URB1: variants seen among roughly 807,000 people sequenced by gnomAD.
The protein encoded by URB1 is URB1 ribosome biogenesis factor.
URB1 carries 197 observed loss-of-function variants against 242.3 expected under a neutral mutation model. That is an observed-to-expected ratio of 0.81 (90% CI 0.72 to 0.91). URB1 has a LOEUF of 0.91. URB1 is among the 40% of genes least tolerant of loss of function. The probability of loss-of-function intolerance (pLI) is 0.00; values close to 1 mark genes in which losing one functional copy is unlikely to be tolerated. For missense variants in URB1, 2,721 were observed against 2,860.5 expected, an observed-to-expected ratio of 0.95 and a Z score of 1.11; for synonymous variants, 1,153 against 1,201.8, an observed-to-expected ratio of 0.96 and a Z score of 0.84.
intron 4 of URB1, among the ~76,000 whole-genome samples, chr21:32,380,173 G>A (rs1184242433): frequency 6.6e-6 from 1 of 152,090 alleles, no homozygotes; most frequent in African/African-American, 2.4e-5. Context: ...CATCAGTTAG[G>A]TCTCTGTGCA....
intron 1 of URB1, among the ~76,000 whole-genome samples, chr21:32,387,600 CAA>C (rs764839350): frequency 8.0e-5 from 10 of 124,758 alleles, no homozygotes; most frequent in South Asian, 2.7e-4. Context: ...TCACCTTATT[CAA>C]AAAAAAAAAA....
chr21:32,321,961 C>G lies in URB1; in HGVS notation c.5341-17G>C. ...TGTTTTTTGCTATAACCCAGGCACA[C>G]AAAAAACTGTTGTTAATAAGTGAAA... On this transcript the variant is annotated splice_polypyrimidine_tract_variant and intron_variant, in intron 33 of 38. Transcript: ENST00000382751. The G allele has an allele frequency of 6.5e-7, 1 of 1,548,794 alleles. No individual in the cohort carries two copies. Among genetic ancestry groups the G allele is most frequent in the Non-Finnish European group, 8.7e-7 (1 of 1,145,802 alleles).
chr21:32,340,792 A>T (rs2033020737), intron 25 of URB1, among the ~76,000 whole-genome samples: 1 of 152,116 alleles, frequency 6.6e-6, no homozygotes, highest in African/African-American at 2.4e-5. Context: ...AGAAAAACAG[A>T]GAGGGAGGGA....
chr21:32,374,340 C>A, intron 6 of URB1, among the ~76,000 whole-genome samples: 1 of 152,172 alleles, frequency 6.6e-6, no homozygotes, highest in South Asian at 2.1e-4. Context: ...CCAAACCTAA[C>A]CCCAGAATCC....
Position 32,354,880 on chromosome 21 carries a change from T to G in URB1, c.2224A>C (p.Ile742Leu). 1 of 1,552,378 alleles carries G rather than the reference T, an allele frequency of 6.4e-7. No individual in the cohort carries two copies. Among genetic ancestry groups the G allele is most frequent in the South Asian group, 1.2e-5 (1 of 84,064 alleles). ...MTKQEADDMS[I>L]PISHIDDVLD... ...ATACCGTCAATGTGGGAGATGGGAA[T>G]GCTCATGTCATCGGCTTCTTGCTTC... The change falls in exon 17 of 39, where the codon ATT becomes CTT. Residue 742 changes from isoleucine (I) to leucine (L), a missense_variant. Coordinates refer to ENST00000382751, the MANE Select transcript of URB1 (RefSeq NM_014825.3).
chr21:32,320,246 C>T (rs2032748674), intron 35 of URB1, among the ~76,000 whole-genome samples: 1 of 152,216 alleles, frequency 6.6e-6, no homozygotes, highest in Non-Finnish European at 1.5e-5. Context: ...AGAACAGAGC[C>T]AGACAGGCTG....
At chr21:32,333,671 A>C (rs755982407) in intron 29 of URB1, among the ~76,000 whole-genome samples, 1 of 152,242 alleles carries the variant, frequency 6.6e-6, no homozygotes, top group Non-Finnish European at 1.5e-5. Flanking sequence ...GCATGAAAGA[A>C]AGTCTCTGTA....
At position 32,311,753 on chromosome 21, in the gene URB1, G is replaced by C. The variant is rs761106555; in HGVS notation, c.*3165C>G. ...TCAACCTCCACCTCTGCATCCAGAA[G>C]TGCCTGCCGTGCCACAGGGAACCCC... On this transcript the variant is annotated 3_prime_UTR_variant, in exon 39 of 39. Transcript: ENST00000382751. 6.2e-7 allele frequency: 1 copy of C among 1,614,004 alleles called. No individual in the cohort carries two copies. The highest frequency in any genetic ancestry group is 1.3e-5 in the African/African-American group (1 of 74,944).
chr21:32,375,444 T>G lies in URB1; in HGVS notation c.704A>C (p.Asp235Ala), dbSNP rs944162535. 1 of 1,541,006 alleles carries G rather than the reference T, an allele frequency of 6.5e-7. No individual in the cohort carries two copies. Among genetic ancestry groups the G allele is most frequent in the East Asian group, 2.5e-5 (1 of 40,604 alleles). Reference protein sequence around the residue: ...PCIFSSGIKEDRISTINILLS... With the variant: ...PCIFSSGIKEARISTINILLS... The stretch of plus-strand genomic sequence containing the variant: ...TAAAATATTGATGGTAGAGATCCTA[T>G]CTTCCTTTATCCCTGAGCTAAAAAT... The change falls in exon 6 of 39, where the codon GAT becomes GCT. Residue 235 changes from aspartate (D) to alanine (A), a missense_variant. Coordinates refer to ENST00000382751, the MANE Select transcript of URB1 (RefSeq NM_014825.3).
intron 30 of URB1, among the ~76,000 whole-genome samples, chr21:32,330,697 G>A (rs1193796563): frequency 6.6e-6 from 1 of 152,198 alleles, no homozygotes; most frequent in Non-Finnish European, 1.5e-5. Context: ...GCACCACTGA[G>A]GCACAGGGGA....
intron 12 of URB1, 145 bp from the exon 13 acceptor site, chr21:32,361,268 C>T (rs922051523): frequency 1.7e-5 from 11 of 641,184 alleles, no homozygotes; most frequent in Non-Finnish European, 2.1e-5. Flanking sequence ...AAGTGTGGCA[C>T]CACACTGCAG....
At position 32,338,630 on chromosome 21, in the gene URB1, G is replaced by C. The variant is rs965996120; in HGVS notation, c.4510+77C>G. On this transcript the variant is annotated intron_variant, in intron 26 of 38. Coordinates refer to ENST00000382751, the MANE Select transcript of URB1 (RefSeq NM_014825.3). Reference sequence around the variant, plus strand: ...AGCTCCGAGAGCCGGAGGGAGATGAGCCTCAGTGCAGCCAGTGTAAGGAAA... The same window carrying C: ...AGCTCCGAGAGCCGGAGGGAGATGACCCTCAGTGCAGCCAGTGTAAGGAAA... The C allele has an allele frequency of 4.1e-6, 6 of 1,475,474 alleles. No homozygotes were observed. In the African/African-American group the frequency reaches 7.0e-5, roughly 17 times the overall value. The allele number at this position is 1,475,474 out of a possible 1,614,324, so 91.4% of individuals were successfully genotyped here. A position where few individuals can be genotyped will look rare whatever the true frequency, so the allele number is the denominator to read the frequency against.
intron 30 of URB1, among the ~76,000 whole-genome samples, chr21:32,327,920 T>C (rs964165394): frequency 1.3e-5 from 2 of 152,128 alleles, no homozygotes; most frequent in Non-Finnish European, 2.9e-5. Context: ...AGAGATAAAA[T>C]AGAGTCAGAT....
At position 32,338,003 on chromosome 21, in the gene URB1, T is replaced by TTCA. The variant is rs150411401; in HGVS notation, c.4511-490_4511-489insTGA. On this transcript the variant is annotated intron_variant, in intron 26 of 38. Coordinates refer to ENST00000382751, the MANE Select transcript of URB1 (RefSeq NM_014825.3). Reference sequence around the variant, plus strand: ...AGCCTCTACTCTGTCTACTCTTGCCTGAATTGAATGGTGGAGCCCTTTTAG... The same window carrying TTCA: ...AGCCTCTACTCTGTCTACTCTTGCCTTCAGAATTGAATGGTGGAGCCCTTTTAG... 8.8e-3 allele frequency among the ~76,000 whole-genome samples: 1,341 copies of TTCA among 152,320 alleles called. 13 individuals are homozygous for TTCA. The highest frequency in any genetic ancestry group is 0.027 in the Middle Eastern group (8 of 294).
intron 12 of URB1, 42 bp from the exon 13 acceptor site, chr21:32,361,165 A>AAGAAAG (rs1555839850): frequency 1.7e-6 from 1 of 595,576 alleles, no homozygotes; most frequent in African/African-American, 2.1e-5. Context: ...AGAAAAAAGA[A>AAGAAAG]AGAAAGAAAG....
Position 32,392,791 on chromosome 21 carries a change from C to T in URB1, c.120G>A (p.Lys40=), listed in dbSNP as rs760531451. Residue 40 remains lysine (K), a synonymous_variant, in exon 1 of 39, where the codon AAG becomes AAA. Transcript: ENST00000382751. ...CACCTGGCCCGGGGCCCTGCGGGTC[C>T]TTCAGCTGAGCCTTGAACCGCACGC... ...LTGVRFKAQL[K]DPQGPGPGLE... 3.1e-5 allele frequency: 46 copies of T among 1,502,706 alleles called. No individual in the cohort carries two copies. Among genetic ancestry groups the T allele is most frequent in the Admixed American group, 4.1e-5 (2 of 48,732 alleles). 93.1% of individuals were successfully genotyped at this position (1,502,706 alleles called of 1,614,324 possible).
intron 25 of URB1, among the ~76,000 whole-genome samples, chr21:32,339,652 G>T (rs2033005844): frequency 6.6e-6 from 1 of 152,020 alleles, no homozygotes; most frequent in Admixed American, 6.5e-5. Context: ...CACCACACCT[G>T]GCTAATTTTT....
chr21:32,361,159 A>AAAAGAAAGAAAGAAAGAAAC, intron 12 of URB1, 36 bp from the exon 13 acceptor site: 1 of 268,418 alleles, frequency 3.7e-6, no homozygotes. Flanking sequence ...AAAAAGAGAA[A>AAAAGAAAGAAAGAAAGAAAC]AAAGAAAGAA....
At chr21:32,327,517 C>T (rs1305072994) in intron 30 of URB1, among the ~76,000 whole-genome samples, 1 of 151,402 alleles carries the variant, frequency 6.6e-6, no homozygotes, top group East Asian at 1.9e-4. Context: ...TAGACTTGAA[C>T]AATAAGAATT....
Sources: gnomAD v4.1 joint callset for allele counts (sites outside exome capture counted in the v4.1 genomes callset) on GRCh38, gnomAD v4.1.1 for gene constraint, MANE v1.5 for transcripts, NCBI Gene and HGNC (gene_info 2026-07-23, HGNC 2026-07-21) for gene names.